Variants in LINGO2 observed in about 807,000 individuals in gnomAD.
LINGO2 encodes the protein leucine rich repeat and Ig domain containing 2.
A neutral mutation model predicts 30.6 loss-of-function variants in LINGO2; 14 were observed. The observed-to-expected ratio is 0.46, with a 90% CI of 0.30 to 0.72. The LOEUF (loss-of-function observed/expected upper bound fraction) is 0.72, where lower values mean the gene tolerates loss of function less well. Among genes scored for constraint, LINGO2 ranks in the 30% least tolerant of loss-of-function variants. The pLI, the probability that LINGO2 is intolerant of heterozygous loss-of-function variation, is 0.07. For synonymous variants in LINGO2, 317 were observed against 288.5 expected, an observed-to-expected ratio of 1.10 and a Z score of -1.00; for missense variants, 729 against 751.7, an observed-to-expected ratio of 0.97 and a Z score of 0.35.
intron 4 of LINGO2, among the ~76,000 whole-genome samples, chr9:28,257,140 AT>A (rs2134030499): frequency 1.3e-5 from 2 of 151,844 alleles, no homozygotes; most frequent in African/African-American, 4.8e-5. Context: ...TTTTATGGAA[AT>A]ATTTATGTTA....
At chr9:28,102,748 A>T (rs1464382084) in intron 4 of LINGO2, among the ~76,000 whole-genome samples, 2 of 151,828 alleles carry the variant, frequency 1.3e-5, no homozygotes, top group African/African-American at 2.4e-5. Flanking sequence ...AGCATAAAAA[A>T]TGTTCACTAG....
chr9:28,250,974 GT>G (rs34188609), intron 4 of LINGO2, among the ~76,000 whole-genome samples: 32,296 of 151,896 alleles, frequency 0.21, 3,747 homozygotes, highest in East Asian at 0.26. Context: ...CATAGGCTAA[GT>G]TGGGGAACCT....
At chr9:29,041,172 T>C in the LINGO2 span, among the ~76,000 whole-genome samples, 1 of 151,994 alleles carries the variant, frequency 6.6e-6, no homozygotes, top group Non-Finnish European at 1.5e-5. Flanking sequence ...CAATGATAAA[T>C]ATTTATGCAT....
chr9:29,205,630 T>G, the LINGO2 span, among the ~76,000 whole-genome samples: 1 of 152,222 alleles, frequency 6.6e-6, no homozygotes, highest in Non-Finnish European at 1.5e-5. Flanking sequence ...GTATTATTTC[T>G]TCCCTAAATA....
chr9:28,058,376 G>A (rs926807536), intron 4 of LINGO2, among the ~76,000 whole-genome samples: 2 of 152,048 alleles, frequency 1.3e-5, no homozygotes, highest in African/African-American at 4.8e-5. Context: ...CTCATATATG[G>A]TCACTCATAC....
intron 5 of LINGO2, among the ~76,000 whole-genome samples, chr9:27,979,272 C>G (rs1178002563): frequency 6.6e-6 from 1 of 151,980 alleles, no homozygotes; most frequent in Non-Finnish European, 1.5e-5. Context: ...CAGGATTTGC[C>G]ATCCTTACTT....
intron 1 of LINGO2, among the ~76,000 whole-genome samples, chr9:28,539,074 T>C (rs2135453899): frequency 6.6e-6 from 1 of 152,110 alleles, no homozygotes; most frequent in East Asian, 1.9e-4. Flanking sequence ...AATATGTATA[T>C]AAAATACATA....
At chr9:28,157,935 G>A (rs1220557593) in intron 4 of LINGO2, among the ~76,000 whole-genome samples, 2 of 152,140 alleles carry the variant, frequency 1.3e-5, no homozygotes, top group African/African-American at 4.8e-5. Context: ...CATGTCTCTA[G>A]GGAGTTCCAA....
chr9:28,970,158 T>C, the LINGO2 span, among the ~76,000 whole-genome samples: 1 of 151,888 alleles, frequency 6.6e-6, no homozygotes, highest in African/African-American at 2.4e-5. Context: ...GGCACATCAG[T>C]GTTAGGAAGG....
chr9:29,181,010 C>T, the LINGO2 span, among the ~76,000 whole-genome samples: 2 of 152,116 alleles, frequency 1.3e-5, no homozygotes, highest in Admixed American at 1.3e-4. Context: ...AGAATTTACT[C>T]CTTAAATGCA....
the LINGO2 span, among the ~76,000 whole-genome samples, chr9:29,024,508 T>G: frequency 2.0e-5 from 3 of 152,140 alleles, no homozygotes; most frequent in Admixed American, 1.3e-4. Flanking sequence ...AATTTGACTA[T>G]AGCAGCAGGG....
At chr9:28,625,525 AG>A (rs1361162320) in intron 1 of LINGO2, among the ~76,000 whole-genome samples, 1 of 152,112 alleles carries the variant, frequency 6.6e-6, no homozygotes, top group African/African-American at 2.4e-5. Flanking sequence ...GTGTTCCTGC[AG>A]GGGGAATTAT....
intron 4 of LINGO2, among the ~76,000 whole-genome samples, chr9:28,109,310 G>A (rs1355082245): frequency 6.6e-6 from 1 of 152,134 alleles, no homozygotes; most frequent in Non-Finnish European, 1.5e-5. Flanking sequence ...ACAAAAGCTG[G>A]AAGCATTCCC....
chr9:28,824,953 C>T, the LINGO2 span, among the ~76,000 whole-genome samples: 4 of 152,106 alleles, frequency 2.6e-5, no homozygotes, highest in Admixed American at 6.5e-5. Flanking sequence ...TTCTTAATGA[C>T]GTTGTTATGA....
rs369376866 is a variant in LINGO2, at chr9:28,590,657, G to A, written c.-365+79543C>T. 1.4e-3 allele frequency among the ~76,000 whole-genome samples: 219 copies of A among 152,004 alleles called. 1 individual carries two copies. The highest frequency in any genetic ancestry group is 4.8e-3 in the African/African-American group (200 of 41,492). ...GGCGATCATTAAAAAGTCAGGAAAC[G>A]ACAGGTGCTGGAGAGGATGTGGAGA... On this transcript the variant is annotated intron_variant, in intron 1 of 5. Coordinates refer to ENST00000379992, the Ensembl canonical transcript of LINGO2.
chr9:28,107,658 A>C (rs539163753), intron 4 of LINGO2, among the ~76,000 whole-genome samples: 13 of 152,268 alleles, frequency 8.5e-5, no homozygotes, highest in Middle Eastern at 6.8e-3. Flanking sequence ...AAAAGCGTAT[A>C]AGGTAAACCT....
At chr9:28,756,685 G>A in the LINGO2 span, among the ~76,000 whole-genome samples, 1 of 151,924 alleles carries the variant, frequency 6.6e-6, no homozygotes, top group African/African-American at 2.4e-5. Context: ...CTGTTCTAGT[G>A]ATAGTGAGTG....
At chr9:28,607,883 A>G (rs1825757412) in intron 1 of LINGO2, among the ~76,000 whole-genome samples, 1 of 152,080 alleles carries the variant, frequency 6.6e-6, no homozygotes, top group South Asian at 2.1e-4. Flanking sequence ...CATTCCTCAA[A>G]GAAAGTGGAG....
chr9:28,402,407 G>T (rs1212692450), intron 2 of LINGO2, among the ~76,000 whole-genome samples: 1 of 152,012 alleles, frequency 6.6e-6, no homozygotes, highest in East Asian at 1.9e-4. Flanking sequence ...ATTGAAAAAA[G>T]TGAGATTAGA....
Sources: allele counts gnomAD v4.1 joint callset (sites outside exome capture counted in the v4.1 genomes callset), GRCh38; gene constraint gnomAD v4.1.1; transcripts MANE v1.5; gene names NCBI Gene and HGNC (gene_info 2026-07-23, HGNC 2026-07-21).